The following CCDC12 variants were observed in gnomAD, a reference collection of about 807,000 sequenced individuals.
CCDC12 encodes the protein coiled-coil domain-containing protein 12.
In CCDC12, 28 loss-of-function variants were observed where a neutral mutation model predicts 25.7. That is an observed-to-expected ratio of 1.09 (90% CI 0.81 to 1.50). The LOEUF (loss-of-function observed/expected upper bound fraction) is 1.50, where lower values mean the gene tolerates loss of function less well. CCDC12 is among the 40% of genes most tolerant of loss of function. The pLI is 0.00. For synonymous variants in CCDC12, 75 were observed against 87.7 expected (o/e 0.86, Z 0.81); for missense variants, 198 against 210.0 (o/e 0.94, Z 0.35).
At chr3:46,968,150 C>T (rs1277241610) in intron 1 of CCDC12, among the ~76,000 whole-genome samples, 1 of 152,216 alleles carries the variant, frequency 6.6e-6, no homozygotes, top group Non-Finnish European at 1.5e-5. Context: ...CTCTCACTGC[C>T]TCCACAACCT....
upstream of CCDC12, among the ~76,000 whole-genome samples, chr3:46,980,456 C>T (rs2035247113): frequency 6.6e-6 from 1 of 152,072 alleles, no homozygotes; most frequent in East Asian, 1.9e-4. Flanking sequence ...CACACCCCAG[C>T]GAACAGGCTG....
At chr3:46,942,898 C>G (rs974044906) in intron 1 of CCDC12, among the ~76,000 whole-genome samples, 20 of 151,936 alleles carry the variant, frequency 1.3e-4, no homozygotes, top group African/African-American at 4.6e-4. Flanking sequence ...AGGGCATTCC[C>G]GGTGGGAAGC....
At chr3:46,978,749 C>G (rs556698617), upstream of CCDC12, among the ~76,000 whole-genome samples, 5 of 151,974 alleles carry the variant, frequency 3.3e-5, no homozygotes, top group African/African-American at 1.2e-4. Context: ...TTTGGGAGGT[C>G]GAGGCGGGTG....
chr3:46,923,778 TC>T, intron 3 of CCDC12, 110 bp from the exon 4 acceptor site: 2 of 932,018 alleles, frequency 2.1e-6, no homozygotes, highest in Non-Finnish European at 1.5e-6. Flanking sequence ...GCTTCCTTGC[TC>T]CCACCTCTGT....
At chr3:46,970,933 G>A (rs926804780) in intron 1 of CCDC12, among the ~76,000 whole-genome samples, 1 of 152,058 alleles carries the variant, frequency 6.6e-6, no homozygotes, top group African/African-American at 2.4e-5. Context: ...ACAGAAAAGT[G>A]TGCCCAGGCT....
At chr3:46,959,132 C>A (rs766979094) in intron 1 of CCDC12, among the ~76,000 whole-genome samples, 4 of 152,196 alleles carry the variant, frequency 2.6e-5, no homozygotes, top group Non-Finnish European at 5.9e-5. Context: ...CAAGTCAGAA[C>A]TGGCACATTT....
At chr3:46,978,008 A>G (rs1476345502), upstream of CCDC12, among the ~76,000 whole-genome samples, 1 of 152,178 alleles carries the variant, frequency 6.6e-6, no homozygotes, top group East Asian at 1.9e-4. Flanking sequence ...GGAATAGGAG[A>G]CCATGCCGCC....
intron 1 of CCDC12, among the ~76,000 whole-genome samples, chr3:46,958,782 A>G (rs2034377559): frequency 6.6e-6 from 1 of 152,104 alleles, no homozygotes; most frequent in Admixed American, 6.6e-5. Flanking sequence ...TCTCCTGACC[A>G]CCACAAAGGC....
At chr3:46,936,602 C>T (rs539774110) in intron 2 of CCDC12, among the ~76,000 whole-genome samples, 8 of 152,306 alleles carry the variant, frequency 5.3e-5, no homozygotes, top group African/African-American at 1.4e-4. Flanking sequence ...GCCTCAAACC[C>T]GGGAACTGCT....
At chr3:46,955,582 C>A (rs1293459491) in intron 1 of CCDC12, among the ~76,000 whole-genome samples, 2 of 152,092 alleles carry the variant, frequency 1.3e-5, no homozygotes, top group African/African-American at 2.4e-5. Context: ...TGTGTCCAGG[C>A]AGAGAGTGGT....
intron 1 of CCDC12, among the ~76,000 whole-genome samples, chr3:46,971,748 A>G (rs140860171): frequency 4.6e-5 from 7 of 152,194 alleles, no homozygotes; most frequent in Admixed American, 3.9e-4. Context: ...TAAGAACTCA[A>G]TGAAGGACCT....
intron 1 of CCDC12, among the ~76,000 whole-genome samples, chr3:46,943,530 C>T (rs1160707701): frequency 1.3e-5 from 2 of 152,184 alleles, no homozygotes; most frequent in Non-Finnish European, 2.9e-5. Flanking sequence ...TCTGTTAACC[C>T]GAACCACCTG....
chr3:46,937,974 G>A (rs775881951), intron 2 of CCDC12, among the ~76,000 whole-genome samples: 50 of 152,204 alleles, frequency 3.3e-4, no homozygotes, highest in Non-Finnish European at 5.9e-4. Context: ...GAGTGACCGA[G>A]TAGCAGGCCC....
intron 2 of CCDC12, among the ~76,000 whole-genome samples, chr3:46,932,549 C>G (rs1056145785): frequency 6.6e-6 from 1 of 152,220 alleles, no homozygotes; most frequent in African/African-American, 2.4e-5. Context: ...AACCTCCCTT[C>G]CCTTCTCTTA....
At chr3:46,929,022 T>C (rs1044991486) in intron 2 of CCDC12, among the ~76,000 whole-genome samples, 6 of 152,132 alleles carry the variant, frequency 3.9e-5, no homozygotes, top group African/African-American at 1.4e-4. Flanking sequence ...AGAATTTAAA[T>C]GAATATTGAC....
At chr3:46,980,952 C>T (rs1003757465), upstream of CCDC12, among the ~76,000 whole-genome samples, 4 of 152,198 alleles carry the variant, frequency 2.6e-5, no homozygotes, top group East Asian at 1.9e-4. Flanking sequence ...TGCTCAGACA[C>T]GCTGGCCCTC....
chr3:46,926,699 C>A (rs1358690610), intron 2 of CCDC12, among the ~76,000 whole-genome samples: 2 of 152,152 alleles, frequency 1.3e-5, no homozygotes, highest in African/African-American at 4.8e-5. Context: ...GGGACAGACC[C>A]CTAGCCCCAG....
intron 1 of CCDC12, among the ~76,000 whole-genome samples, chr3:46,960,862 T>C (rs1343274123): frequency 6.6e-6 from 1 of 152,016 alleles, no homozygotes; most frequent in South Asian, 2.1e-4. Flanking sequence ...ATTGTGGGTA[T>C]GGAGGTATAA....
intron 2 of CCDC12, 25 bp from the exon 3 acceptor site, chr3:46,925,560 G>C: frequency 6.6e-7 from 1 of 1,518,970 alleles, no homozygotes; most frequent in South Asian, 1.3e-5. Context: ...GGAACAAGCA[G>C]AGATGAAGTC....
Sources: allele counts gnomAD v4.1 joint callset (sites outside exome capture counted in the v4.1 genomes callset), GRCh38; gene constraint gnomAD v4.1.1; transcripts MANE v1.5; gene names NCBI Gene and HGNC (gene_info 2026-07-23, HGNC 2026-07-21).